The following OTOF variants were observed in gnomAD, a reference collection of about 807,000 sequenced individuals.
OTOF encodes the protein fer-1-like family member 2.
A neutral mutation model predicts 236.8 loss-of-function variants in OTOF; 218 were observed. The ratio of observed to expected loss-of-function variants is 0.92; its 90% CI spans 0.82 to 1.03. The LOEUF is 1.03. Ranked by LOEUF, OTOF falls within the 50% of genes least tolerant of loss-of-function variation. The pLI is 0.00. For missense variants in OTOF, 2,590 were observed against 2,694.4 expected, an observed-to-expected ratio of 0.96 and a Z score of 0.86; for synonymous variants, 1,041 against 1,072.5, an observed-to-expected ratio of 0.97 and a Z score of 0.57.
chr2:26,536,546 G>C (rs1475143338), intron 2 of OTOF, among the ~76,000 whole-genome samples: 1 of 152,098 alleles, frequency 6.6e-6, no homozygotes, highest in Non-Finnish European at 1.5e-5. Context: ...TGTGTCTCCA[G>C]CTCTGGGTCG....
rs1307159398 is a variant in OTOF at position 26,465,824 on chromosome 2, G to C, written c.4647C>G (p.Ala1549=). 6.2e-7 allele frequency: 1 copy of C among 1,614,138 alleles called. No individual in the cohort carries two copies. The highest frequency in any genetic ancestry group is 8.5e-7 in the Non-Finnish European group (1 of 1,180,058). ...TCAGCATGGATTCCATGGGGAAGGAGGCCTCGATGTCAAAGGACCTGGTGG... is the reference window on the plus strand; with the variant it reads ...TCAGCATGGATTCCATGGGGAAGGACGCCTCGATGTCAAAGGACCTGGTGG... ...PVFGKSFDIE[A]SFPMESMLTV... The change falls in exon 38 of 47, where the codon GCC becomes GCG. Residue 1549 remains alanine, a synonymous_variant. Transcript: ENST00000272371.
chr2:26,503,680 G>A lies in OTOF; in HGVS notation c.583+92C>T, dbSNP rs1666176073. On this transcript the variant is annotated intron_variant, in intron 6 of 46. Transcript: ENST00000272371. The stretch of plus-strand genomic sequence containing the variant: ...CTGGCCCTGGGACGACCTATCCCAG[G>A]AGGGCCTTTTGGCAGCCGGGCAGGG... 1.2e-5 allele frequency: 13 copies of A among 1,115,412 alleles called. 1 individual carries two copies. The South Asian group carries it at 1.6e-4, about 14-fold the overall frequency. The allele number at this position is 1,115,412 out of a possible 1,614,324, so 69.1% of individuals were successfully genotyped here.
chr2:26,553,844 T>G (rs1667521673), intron 1 of OTOF, among the ~76,000 whole-genome samples: 1 of 152,156 alleles, frequency 6.6e-6, no homozygotes, highest in African/African-American at 2.4e-5. Flanking sequence ...TCCCTCTTGC[T>G]TCCCACCTAT....
chr2:26,516,605 G>A lies in OTOF; in HGVS notation c.328-6C>T, dbSNP rs183670704. On this transcript the variant is annotated splice_polypyrimidine_tract_variant and splice_region_variant and intron_variant, in intron 4 of 46. Transcript: ENST00000272371. The stretch of plus-strand genomic sequence containing the variant: ...ACCTCCACGCACAGGCTGGTCTGAA[G>A]GGAGGGAGGCGGTGGTGAGCAGCTG... 6 of 1,603,536 alleles carry A rather than the reference G, an allele frequency of 3.7e-6. No individual in the cohort carries two copies. The African/African-American group carries it at 4.0e-5, about 11-fold the overall frequency.
In OTOF at chr2:26,459,959, C is replaced by T. The variant is rs535802001; in HGVS notation, c.*17+49G>A. 28 of 1,533,390 alleles carry T rather than the reference C, an allele frequency of 1.8e-5. No individual in the cohort carries two copies. In the South Asian group the frequency reaches 1.9e-4, roughly 11 times the overall value. 95.0% of individuals were successfully genotyped at this position (1,533,390 alleles called of 1,614,324 possible). On this transcript the variant is annotated intron_variant, in intron 46 of 46. Coordinates refer to ENST00000272371, the MANE Select transcript of OTOF (RefSeq NM_194248.3). ...GTGCGTGTATATGTGTGTGTGTGCACGCGCCTGCCTAGCCCTTGGTCCAGA... is the reference window on the plus strand; with the variant it reads ...GTGCGTGTATATGTGTGTGTGTGCATGCGCCTGCCTAGCCCTTGGTCCAGA...
intron 4 of OTOF, among the ~76,000 whole-genome samples, chr2:26,517,389 G>A (rs1003712792): frequency 2.0e-5 from 3 of 152,224 alleles, no homozygotes; most frequent in Non-Finnish European, 4.4e-5. Context: ...CCCAAGGGAA[G>A]GGAAAGGTGC....
intron 8 of OTOF, among the ~76,000 whole-genome samples, chr2:26,497,349 C>T (rs1243577001): frequency 1.3e-5 from 2 of 152,200 alleles, no homozygotes; most frequent in Non-Finnish European, 2.9e-5. Flanking sequence ...CCTGCCTTGG[C>T]TTCCCAAAGT....
chr2:26,545,399 G>T (rs1411080747), intron 1 of OTOF, among the ~76,000 whole-genome samples: 3 of 151,962 alleles, frequency 2.0e-5, no homozygotes, highest in Non-Finnish European at 4.4e-5. Flanking sequence ...TATATATTCT[G>T]GCTACAAGTC....
chr2:26,485,516 C>T (rs764725015), intron 11 of OTOF, among the ~76,000 whole-genome samples: 7 of 152,196 alleles, frequency 4.6e-5, no homozygotes, highest in African/African-American at 1.2e-4. Context: ...GAGGAAAGGA[C>T]GGATGTCAGG....
At chr2:26,539,332 G>C (rs1014771627) in intron 1 of OTOF, among the ~76,000 whole-genome samples, 1 of 151,654 alleles carries the variant, frequency 6.6e-6, no homozygotes, top group Non-Finnish European at 1.5e-5. Flanking sequence ...CCATGGTAAG[G>C]GAAAAAAGGC....
intron 30 of OTOF, among the ~76,000 whole-genome samples, chr2:26,471,859 A>G (rs1664993600): frequency 6.6e-6 from 1 of 151,660 alleles, no homozygotes; most frequent in Non-Finnish European, 1.5e-5. Flanking sequence ...CCACATGCAC[A>G]CATGCACATA....
chr2:26,507,418 C>A (rs1666276456), intron 5 of OTOF, among the ~76,000 whole-genome samples: 1 of 152,208 alleles, frequency 6.6e-6, no homozygotes, highest in Non-Finnish European at 1.5e-5. Flanking sequence ...CTTCTCTTGG[C>A]AAACTGTAAA....
chr2:26,514,813 G>A (rs1666479934), intron 5 of OTOF, among the ~76,000 whole-genome samples: 1 of 152,182 alleles, frequency 6.6e-6, no homozygotes, highest in South Asian at 2.1e-4. Flanking sequence ...GATGGCCCTT[G>A]TGTGGCTTCC....
intron 4 of OTOF, among the ~76,000 whole-genome samples, chr2:26,517,865 C>G (rs928628983): frequency 9.8e-5 from 15 of 152,294 alleles, no homozygotes; most frequent in Middle Eastern, 6.8e-3. Flanking sequence ...TGCTGTCTGT[C>G]CATCCCTGCT....
In OTOF at chr2:26,474,669, T is replaced by C; in HGVS notation, c.3132A>G (p.Lys1044=). 6.2e-7 allele frequency: 1 copy of C among 1,613,252 alleles called. No homozygotes were observed. Among genetic ancestry groups the C allele is most frequent in the Non-Finnish European group, 8.5e-7 (1 of 1,180,006 alleles). Residue 1044 remains lysine (K), a synonymous_variant, in exon 26 of 47, where the codon AAA becomes AAG. Transcript: ENST00000272371. ...CGAAGGTCCGGCCCATGAAGTCAGC[T>C]TTGCCCTGACGCAACAGACAACCCA... ...IEIYDQDSMG[K]ADFMGRTFAK... is the part of the protein sequence containing the mutation.
At chr2:26,513,757 CTAACGGGGTCAGAGGTGA>C (rs1376886147) in intron 5 of OTOF, among the ~76,000 whole-genome samples, 1 of 152,216 alleles carries the variant, frequency 6.6e-6, no homozygotes, top group Non-Finnish European at 1.5e-5. Flanking sequence ...GCCTGGGCTC[CTAACGGGGTCAGAGGTGA>C]GGCACTGACA....
At chr2:26,557,105 C>A (rs866081024) in intron 1 of OTOF, among the ~76,000 whole-genome samples, 29 of 152,304 alleles carry the variant, frequency 1.9e-4, no homozygotes, top group African/African-American at 6.3e-4. Context: ...CCCTGCCTGT[C>A]CCTATGAACA....
intron 2 of OTOF, among the ~76,000 whole-genome samples, chr2:26,528,213 C>A (rs1282487142): frequency 6.6e-6 from 1 of 152,142 alleles, no homozygotes; most frequent in African/African-American, 2.4e-5. Context: ...GGACTTTTGA[C>A]TCCCTACACA....
chr2:26,527,800 G>T, intron 3 of OTOF, 32 bp downstream of exon 3: 2 of 1,516,716 alleles, frequency 1.3e-6, no homozygotes, highest in Non-Finnish European at 9.2e-7. Flanking sequence ...GCCCGTCCAG[G>T]CCCAGCCCCT....
Sources: gnomAD v4.1 joint callset for allele counts (sites outside exome capture counted in the v4.1 genomes callset) on GRCh38, gnomAD v4.1.1 for gene constraint, MANE v1.5 for transcripts, NCBI Gene and HGNC (gene_info 2026-07-23, HGNC 2026-07-21) for gene names.